Variants in PUS3 observed in about 807,000 individuals in gnomAD.
PUS3 encodes pseudouridine synthase 3.
Under a neutral mutation model 43.3 loss-of-function variants are expected in PUS3, and 36 were observed. The observed-to-expected ratio is 0.83, with a 90% CI of 0.64 to 1.10. The LOEUF (loss-of-function observed/expected upper bound fraction) is 1.10. Among genes scored for constraint, PUS3 ranks in the 50% least tolerant of loss-of-function variants. The pLI is 0.00. For missense variants in PUS3, 544 were observed against 589.9 expected, an observed-to-expected ratio of 0.92 and a Z score of 0.81; for synonymous variants, 183 against 199.2, an observed-to-expected ratio of 0.92 and a Z score of 0.69.
intron 1 of PUS3, among the ~76,000 whole-genome samples, chr11:125,901,001 T>G (rs1341233831): frequency 2.2e-4 from 15 of 68,790 alleles, no homozygotes. Flanking sequence ...ACAGCGAGAC[T>G]CCGTCTCAAA....
chr11:125,899,407 T>C lies in PUS3; in HGVS notation c.-46-3077A>G, dbSNP rs1288165971. 8.1e-6 allele frequency: 13 copies of C among 1,614,076 alleles called. No homozygotes were observed. Among genetic ancestry groups the C allele is most frequent in the Non-Finnish European group, 1.1e-5 (13 of 1,180,038 alleles). On this transcript the variant is annotated intron_variant, in intron 1 of 3. Transcript: ENST00000227474. Reference sequence around the variant, plus strand: ...TACCTGATGGACAAATATGGGCTAATATGGATCCAGAAGAACGAATGTTGG... The same window carrying C: ...TACCTGATGGACAAATATGGGCTAACATGGATCCAGAAGAACGAATGTTGG...
chr11:125,898,096 T>C (rs749499906), intron 1 of PUS3, among the ~76,000 whole-genome samples: 5 of 152,048 alleles, frequency 3.3e-5, no homozygotes, highest in Non-Finnish European at 7.4e-5. Context: ...CTTTACGGTA[T>C]TAAAAAAAAA....
At chr11:125,899,396 A>G (rs1230566497) in intron 1 of PUS3, 11 of 1,614,066 alleles carry the variant, frequency 6.8e-6, no homozygotes, top group Middle Eastern at 1.6e-4. Context: ...TGATGGACAA[A>G]TATGGGCTAA....
intron 1 of PUS3, chr11:125,899,291 T>C: frequency 7.4e-7 from 1 of 1,349,440 alleles, no homozygotes; most frequent in Non-Finnish European, 1.0e-6. Flanking sequence ...GAATGAGCAA[T>C]TTATGAGCTG....
At chr11:125,901,095 C>A (rs190974854) in intron 1 of PUS3, among the ~76,000 whole-genome samples, 1 of 151,770 alleles carries the variant, frequency 6.6e-6, no homozygotes, top group Non-Finnish European at 1.5e-5. Context: ...TGGATAGCCT[C>A]ATTACTAAAG....
chr11:125,895,996 G>C lies in PUS3; in HGVS notation c.289C>G (p.Leu97Val). The C allele has an allele frequency of 1.2e-6, 2 of 1,614,152 alleles. No individual in the cohort carries two copies. The highest frequency in any genetic ancestry group is 1.7e-6 in the Non-Finnish European group (2 of 1,180,014). Residue 97 changes from leucine to valine, a missense_variant, in exon 2 of 4, where the codon CTA becomes GTA. Coordinates refer to ENST00000227474, the MANE Select transcript of PUS3 (RefSeq NM_031307.4). ...CTTTCTACTAGTCGAGTCTTGGTTAGAGCTTCAAACAGTTTCTCTTCAATG... is the reference window on the plus strand; with the variant it reads ...CTTTCTACTAGTCGAGTCTTGGTTACAGCTTCAAACAGTTTCTCTTCAATG... ...NTIEEKLFEA[L>V]TKTRLVESRQ...
Position 125,895,909 on chromosome 11 carries a change from G to T in PUS3, c.376C>A (p.Gln126Lys), listed in dbSNP as rs552117530. Residue 126 changes from glutamine (Q) to lysine (K), a missense_variant and splice_region_variant, in exon 2 of 4, where the codon CAG (glutamine) becomes AAG (lysine). Transcript: ENST00000227474. ...RTDKGVSAFGQVISLDLRSQF... is the reference protein window; with the variant it reads ...RTDKGVSAFGKVISLDLRSQF... ...AGAAACAGTGTATTGGCCCTTACCTGTCCAAAGGCACTAACTCCTTTATCT... is the reference window on the plus strand; with the variant it reads ...AGAAACAGTGTATTGGCCCTTACCTTTCCAAAGGCACTAACTCCTTTATCT... The T allele has an allele frequency of 6.2e-7, 1 of 1,611,958 alleles. No homozygotes were observed. The highest frequency in any genetic ancestry group is 1.1e-5 in the South Asian group (1 of 91,060).
chr11:125,895,055 T>TC, intron 3 of PUS3, among the ~76,000 whole-genome samples, 169 bp downstream of exon 3: 1 of 151,780 alleles, frequency 6.6e-6, no homozygotes, highest in East Asian at 1.9e-4. Context: ...CTATTTCTTT[T>TC]TTTTTTTTTT....
rs758427069 is a variant in PUS3 at position 125,895,535 on chromosome 11, A to C, written c.633T>G (p.Tyr211Ter). The C allele has an allele frequency of 6.2e-7, 1 of 1,614,084 alleles. No individual in the cohort carries two copies. The highest frequency in any genetic ancestry group is 2.2e-5 in the East Asian group (1 of 44,904). Residue 211 changes from tyrosine to a stop codon, truncating the protein, a stop_gained, in exon 3 of 4, where the codon TAT becomes TAG. Coordinates refer to ENST00000227474, the MANE Select transcript of PUS3 (RefSeq NM_031307.4). LOFTEE classifies it high-confidence loss of function. ...GGGTGCCAACATACTTCTGAGCTGC[A>C]TAATCCATGGTTACAATATCTAAAT... The part of the protein sequence containing the change: ...RADLDIVTMD[Y>*]AAQKYVGTHD...
At position 125,896,162 on chromosome 11, in the gene PUS3, A is replaced by G. The variant is rs1944582460; in HGVS notation, c.123T>C (p.Ile41=). The G allele has an allele frequency of 1.2e-6, 2 of 1,614,096 alleles. No individual in the cohort carries two copies. Among genetic ancestry groups the G allele is most frequent in the Non-Finnish European group, 1.7e-6 (2 of 1,179,994 alleles). The change falls in exon 2 of 4, where the codon ATT becomes ATC. Residue 41 remains isoleucine, a synonymous_variant. Coordinates refer to ENST00000227474, the MANE Select transcript of PUS3 (RefSeq NM_031307.4). ...EQAKNKEDSN[I]RENSAGAGKT... Reference sequence around the variant, plus strand: ...TTCCAGCTCCTGCTGAATTTTCTCTAATGTTTGAGTCCTCCTTATTTTTGG... The same window carrying G: ...TTCCAGCTCCTGCTGAATTTTCTCTGATGTTTGAGTCCTCCTTATTTTTGG...
rs556282735 is a variant in PUS3 at position 125,894,331 on chromosome 11, T to C, written c.945-45A>G. 16 of 1,481,062 alleles carry C rather than the reference T, an allele frequency of 1.1e-5. No homozygotes were observed. The Admixed American group carries it at 3.2e-4, about 29-fold the overall frequency. 91.7% of individuals were successfully genotyped at this position (1,481,062 alleles called of 1,614,324 possible). On this transcript the variant is annotated intron_variant, in intron 3 of 3. Coordinates refer to ENST00000227474, the MANE Select transcript of PUS3 (RefSeq NM_031307.4). ...AAAGTTTGAGAATACATAACATCCA[T>C]CTAACAGTTCTTTAAAAACTAAGGG...
chr11:125,896,268 G>T lies in PUS3; in HGVS notation c.17C>A (p.Thr6Lys). 1 of 1,610,406 alleles carries T rather than the reference G, an allele frequency of 6.2e-7. No homozygotes were observed. Among genetic ancestry groups the T allele is most frequent in the Non-Finnish European group, 8.5e-7 (1 of 1,176,980 alleles). Residue 6 changes from threonine (T) to lysine (K), a missense_variant, in exon 2 of 4, where the codon ACA becomes AAA. By Grantham distance (78) the Thr-to-Lys change is moderately conservative. Transcript: ENST00000227474. MAYNDTDRNQTEKLLK... is the reference protein window; with the variant it reads MAYNDKDRNQTEKLLK... ...GAGCTTCTCAGTCTGGTTTCTGTCT[G>T]TGTCATTATAAGCCATGATATGACA...
chr11:125,894,026 A>G lies in PUS3; in HGVS notation c.1205T>C (p.Phe402Ser). The G allele has an allele frequency of 6.2e-7, 1 of 1,614,068 alleles. No individual in the cohort carries two copies. The highest frequency in any genetic ancestry group is 8.5e-7 in the Non-Finnish European group (1 of 1,180,014). ...KPSVIKQTSA[F>S]VEGVKMRTYK... ...TGTGCGCATCTTCACTCCTTCTACA[A>G]AGGCACTGGTCTGCTTTATGACAGA... The change falls in exon 4 of 4, where the codon TTT (phenylalanine) becomes TCT (serine). Residue 402 changes from phenylalanine (F) to serine (S), a missense_variant. Physicochemically the swap from Phe to Ser is radical, Grantham distance 155. Transcript: ENST00000227474.
At chr11:125,901,660 G>T (rs567939523) in intron 1 of PUS3, among the ~76,000 whole-genome samples, 8 of 152,282 alleles carry the variant, frequency 5.3e-5, no homozygotes, top group African/African-American at 1.9e-4. Context: ...TATTTGTTAG[G>T]CATTTGTCTG....
rs942694498 is a variant in PUS3, at chr11:125,895,983, C to T, written c.302G>A (p.Arg101Gln). 5.6e-6 allele frequency: 9 copies of T among 1,614,020 alleles called. No individual in the cohort carries two copies. The highest frequency in any genetic ancestry group is 2.2e-5 in the East Asian group (1 of 44,900). The change falls in exon 2 of 4, where the codon CGA (arginine) becomes CAA (glutamine). Residue 101 changes from arginine to glutamine, a missense_variant. Arg to Gln is a conservative substitution (Grantham distance 43, BLOSUM62 1). Coordinates refer to ENST00000227474, the MANE Select transcript of PUS3 (RefSeq NM_031307.4). ...GGATGTCTGTCTGCTTTCTACTAGT[C>T]GAGTCTTGGTTAGAGCTTCAAACAG... Reference protein sequence around the residue: ...EKLFEALTKTRLVESRQTSNY... With the variant: ...EKLFEALTKTQLVESRQTSNY...
chr11:125,899,511 A>G (rs761736699), intron 1 of PUS3: 1 of 1,614,158 alleles, frequency 6.2e-7, no homozygotes, highest in South Asian at 1.1e-5. Flanking sequence ...TCTATCCAAT[A>G]TGATCCCTAC....
intron 1 of PUS3, chr11:125,899,616 C>G (rs1423406184): frequency 6.2e-7 from 1 of 1,614,162 alleles, no homozygotes; most frequent in African/African-American, 1.3e-5. Context: ...GAAACAGTCT[C>G]TGAGGCCTCC....
chr11:125,897,611 TA>T (rs34513731), intron 1 of PUS3, among the ~76,000 whole-genome samples: 1 of 151,682 alleles, frequency 6.6e-6, no homozygotes. Flanking sequence ...AAAAATTTTT[TA>T]AAAAAAATTT....
chr11:125,894,875 C>G (rs935220003), intron 3 of PUS3, among the ~76,000 whole-genome samples: 5 of 152,090 alleles, frequency 3.3e-5, no homozygotes, highest in African/African-American at 1.2e-4. Context: ...ACTTAAGGAG[C>G]CTGGTCAAAA....
Sources: gnomAD v4.1 joint callset for allele counts (sites outside exome capture counted in the v4.1 genomes callset) on GRCh38, gnomAD v4.1.1 for gene constraint, MANE v1.5 for transcripts, NCBI Gene and HGNC (gene_info 2026-07-23, HGNC 2026-07-21) for gene names.